Variants in PRICKLE2 observed in about 807,000 individuals in gnomAD.
The protein encoded by PRICKLE2 is prickle planar cell polarity protein 2.
PRICKLE2 carries 21 observed loss-of-function variants against 81.4 expected under a neutral mutation model. The observed-to-expected ratio is 0.26, with a 90% CI of 0.18 to 0.37. The LOEUF is 0.37. Among genes scored for constraint, PRICKLE2 ranks in the 10% least tolerant of loss-of-function variants. The probability of loss-of-function intolerance (pLI) is 1.00; values close to 1 mark genes in which losing one functional copy is unlikely to be tolerated. For missense variants in PRICKLE2, 940 were observed against 1,109.0 expected (o/e 0.85, Z 2.16); for synonymous variants, 456 against 421.5 (o/e 1.08, Z -1.00).
intron 2 of PRICKLE2, among the ~76,000 whole-genome samples, chr3:64,266,480 A>G (rs1368419392): frequency 2.0e-5 from 3 of 152,164 alleles, no homozygotes; most frequent in African/African-American, 7.2e-5. Flanking sequence ...GATCATTTTT[A>G]TATGCCTCCC....
Position 64,098,481 on chromosome 3 carries a change from A to T in PRICKLE2, c.*570T>A, listed in dbSNP as rs1229638279. On this transcript the variant is annotated 3_prime_UTR_variant, in exon 8 of 8. Coordinates refer to ENST00000638394, the MANE Select transcript of PRICKLE2 (RefSeq NM_198859.4). ...TAACAAATTTGTATAGAAAAAAAAA[A>T]AAAAAAAAAAAAGGTGGTACCGGGC... The T allele has an allele frequency of 6.6e-6, 1 of 151,742 alleles. No homozygotes were observed. The highest frequency in any genetic ancestry group is 2.4e-5 in the African/African-American group (1 of 41,304). The allele number at this position is 151,742 out of a possible 1,614,324, so 9.4% of individuals were successfully genotyped here.
At chr3:64,141,505 T>C (rs971402460) in intron 7 of PRICKLE2, among the ~76,000 whole-genome samples, 13 of 152,250 alleles carry the variant, frequency 8.5e-5, no homozygotes, top group African/African-American at 2.9e-4. Context: ...AATGCTATGA[T>C]TACGCAGGCT....
intron 2 of PRICKLE2, among the ~76,000 whole-genome samples, chr3:64,187,346 C>A (rs1220139459): frequency 6.6e-6 from 1 of 152,162 alleles, no homozygotes; most frequent in East Asian, 1.9e-4. Flanking sequence ...GACTAGCTTC[C>A]CAAGAAGAGT....
At chr3:64,203,735 G>A (rs139769815) in intron 1 of PRICKLE2, among the ~76,000 whole-genome samples, 11 of 151,722 alleles carry the variant, frequency 7.3e-5, no homozygotes, top group African/African-American at 2.7e-4. Flanking sequence ...CAAATAACTC[G>A]AGGTGGATGG....
chr3:64,235,530 C>T (rs1199504086), intron 2 of PRICKLE2, among the ~76,000 whole-genome samples: 1 of 152,242 alleles, frequency 6.6e-6, no homozygotes, highest in African/African-American at 2.4e-5. Context: ...CACCACCCTG[C>T]CCCCCTTCTG....
intron 7 of PRICKLE2, among the ~76,000 whole-genome samples, chr3:64,120,025 A>C (rs572542333): frequency 3.3e-5 from 5 of 152,302 alleles, no homozygotes; most frequent in Non-Finnish European, 5.9e-5. Flanking sequence ...AACGGATGTA[A>C]AGATGGCAAC....
chr3:64,259,261 A>T (rs2079581687), intron 2 of PRICKLE2, among the ~76,000 whole-genome samples: 1 of 152,212 alleles, frequency 6.6e-6, no homozygotes, highest in Non-Finnish European at 1.5e-5. Context: ...TATAACAGTA[A>T]GCCAATATTT....
At chr3:64,237,790 G>A (rs539229156) in intron 2 of PRICKLE2, among the ~76,000 whole-genome samples, 2 of 152,284 alleles carry the variant, frequency 1.3e-5, no homozygotes, top group African/African-American at 2.4e-5. Flanking sequence ...CAGTAGCCAT[G>A]AAGGTAAATT....
At chr3:64,176,225 T>C (rs991864970) in intron 2 of PRICKLE2, among the ~76,000 whole-genome samples, 2 of 152,294 alleles carry the variant, frequency 1.3e-5, no homozygotes, top group African/African-American at 4.8e-5. Context: ...CTGCCCAGAA[T>C]ACAATCAGGT....
At chr3:64,146,536 G>C (rs1282390232) in intron 7 of PRICKLE2, 1 of 350,920 alleles carries the variant, frequency 2.8e-6, no homozygotes, top group African/African-American at 2.1e-5. Flanking sequence ...GAGGTCAGGA[G>C]ATCGAGAACA....
At chr3:64,229,600 G>A (rs1377746690), upstream of PRICKLE2, among the ~76,000 whole-genome samples, 2 of 152,150 alleles carry the variant, frequency 1.3e-5, no homozygotes, top group African/African-American at 4.8e-5. Context: ...AGTTTTTGGA[G>A]AACTTTAAAA....
intron 4 of PRICKLE2, 49 bp downstream of exon 4, chr3:64,159,891 G>A: frequency 6.2e-7 from 1 of 1,612,366 alleles, no homozygotes; most frequent in Non-Finnish European, 8.5e-7. Context: ...ATGAATGGGT[G>A]AAAAGATGCC....
chr3:64,225,506 C>A (rs1473153525), upstream of PRICKLE2: 9 of 961,464 alleles, frequency 9.4e-6, no homozygotes, highest in South Asian at 2.4e-4. Context: ...GTGATGTCAG[C>A]AAGTCAGTCA....
At chr3:64,265,477 CTG>C (rs2079688086) in intron 2 of PRICKLE2, among the ~76,000 whole-genome samples, 1 of 152,174 alleles carries the variant, frequency 6.6e-6, no homozygotes, top group Admixed American at 6.5e-5. Context: ...CTTAATGTGA[CTG>C]AGTACTTTTC....
intron 7 of PRICKLE2, among the ~76,000 whole-genome samples, chr3:64,127,355 C>T (rs1373545427): frequency 6.6e-6 from 1 of 152,200 alleles, no homozygotes; most frequent in African/African-American, 2.4e-5. Flanking sequence ...CGGTCACTCT[C>T]CCTCCTGCAG....
intron 2 of PRICKLE2, among the ~76,000 whole-genome samples, chr3:64,178,011 T>G (rs939830552): frequency 6.6e-6 from 1 of 152,234 alleles, no homozygotes; most frequent in Non-Finnish European, 1.5e-5. Flanking sequence ...CATTTTACAT[T>G]GTCACCAGCA....
At chr3:64,266,123 A>AT (rs2079704061) in intron 2 of PRICKLE2, among the ~76,000 whole-genome samples, 1 of 152,028 alleles carries the variant, frequency 6.6e-6, no homozygotes, top group South Asian at 2.1e-4. Context: ...TCTGAGGCTG[A>AT]TTCAGGAAAA....
chr3:64,251,452 A>C (rs543780505), intron 2 of PRICKLE2, among the ~76,000 whole-genome samples: 3 of 152,352 alleles, frequency 2.0e-5, no homozygotes, highest in Admixed American at 2.0e-4. Context: ...GGGGGCAAGA[A>C]ATCCAAGTTC....
intron 2 of PRICKLE2, among the ~76,000 whole-genome samples, chr3:64,183,313 T>C (rs2078166103): frequency 6.6e-6 from 1 of 152,208 alleles, no homozygotes; most frequent in Non-Finnish European, 1.5e-5. Context: ...TCACTACTTC[T>C]ATTCCTGAAA....
Sources: allele counts gnomAD v4.1 joint callset (sites outside exome capture counted in the v4.1 genomes callset), GRCh38; gene constraint gnomAD v4.1.1; transcripts MANE v1.5; gene names NCBI Gene and HGNC (gene_info 2026-07-23, HGNC 2026-07-21).